PCDHA5: variants seen among roughly 807,000 people sequenced by gnomAD.
The protein encoded by PCDHA5 is protocadherin alpha 5.
A neutral mutation model predicts 61.6 loss-of-function variants in PCDHA5; 43 were observed. That is an observed-to-expected ratio of 0.70 (90% confidence interval 0.55 to 0.90). The LOEUF is 0.90. Ranked by LOEUF, PCDHA5 falls within the 40% of genes least tolerant of loss-of-function variation. The pLI, the probability that PCDHA5 is intolerant of heterozygous loss-of-function variation, is 0.00. For missense variants in PCDHA5, 1,298 were observed against 1,222.7 expected (o/e 1.06, Z -0.92); for synonymous variants, 627 against 543.9 (o/e 1.15, Z -2.13).
chr5:140,843,674 G>A (rs2150364800), intron 1 of PCDHA5: 16 of 1,592,324 alleles, frequency 1.0e-5, no homozygotes, highest in Middle Eastern at 1.7e-4. Context: ...ATCAGTTGAT[G>A]TAGGCGAAGA....
chr5:141,010,321 G>C lies in PCDHA5; in HGVS notation c.*384G>C. On this transcript the variant is annotated 3_prime_UTR_variant, in exon 4 of 4. Transcript: ENST00000529859. Reference sequence around the variant, plus strand: ...GGCTGAAAAGTTTTGAGATTGAGCAGCTTGGGAGTTTGTGGCCACTGGGTA... The same window carrying C: ...GGCTGAAAAGTTTTGAGATTGAGCACCTTGGGAGTTTGTGGCCACTGGGTA... 7 of 1,541,244 alleles carry C rather than the reference G, an allele frequency of 4.5e-6. No homozygotes were observed. In the South Asian group the frequency reaches 8.5e-5, roughly 19 times the overall value.
rs1554151191 is a variant in PCDHA5, at chr5:140,858,123, T to A, written c.2352+33996T>A. The A allele has an allele frequency of 6.3e-7, 1 of 1,597,678 alleles. No individual in the cohort carries two copies. Among genetic ancestry groups the A allele is most frequent in the South Asian group, 1.1e-5 (1 of 90,530 alleles). ...GGCGTGGCGCCCGAGGTGGCCCTGG[T>A]GGATGTCAACGTGTACCTGATCATC... On this transcript the variant is annotated intron_variant, in intron 1 of 3. Coordinates refer to ENST00000529859, the MANE Select transcript of PCDHA5 (RefSeq NM_018908.3).
At chr5:140,876,101 T>C (rs2056113076) in intron 1 of PCDHA5, 1 of 1,613,984 alleles carries the variant, frequency 6.2e-7, no homozygotes, top group East Asian at 2.2e-5. Flanking sequence ...AAACTCAATT[T>C]ATTGCTGATG....
chr5:140,826,786 A>G (rs1293254665), intron 1 of PCDHA5, among the ~76,000 whole-genome samples: 1 of 152,198 alleles, frequency 6.6e-6, no homozygotes, highest in Admixed American at 6.5e-5. Flanking sequence ...AATAACCTGC[A>G]AAAAGTTGAT....
At chr5:140,884,681 A>G (rs2060314464) in intron 1 of PCDHA5, 1 of 1,546,928 alleles carries the variant, frequency 6.5e-7, no homozygotes, top group Non-Finnish European at 8.7e-7. Flanking sequence ...ATATTTTAAA[A>G]AATTGTCTTA....
chr5:141,003,457 G>A (rs769049189), intron 3 of PCDHA5, among the ~76,000 whole-genome samples: 1 of 152,136 alleles, frequency 6.6e-6, no homozygotes, highest in Non-Finnish European at 1.5e-5. Flanking sequence ...AATTACAGGC[G>A]TGCACCACCA....
chr5:140,859,875 T>G (rs1554152798), intron 1 of PCDHA5: 1 of 152,066 alleles, frequency 6.6e-6, no homozygotes, highest in East Asian at 1.9e-4. Flanking sequence ...CTTCCCCCTC[T>G]GATATTTTGA....
chr5:140,834,479 C>T (rs2150219285), intron 1 of PCDHA5: 1 of 1,614,178 alleles, frequency 6.2e-7, no homozygotes, highest in African/African-American at 1.3e-5. Context: ...GCCAGCTCCA[C>T]TACTCGGTCC....
intron 1 of PCDHA5, among the ~76,000 whole-genome samples, chr5:140,875,095 G>A (rs2055270565): frequency 6.6e-6 from 1 of 152,156 alleles, no homozygotes; most frequent in Non-Finnish European, 1.5e-5. Context: ...AATTGTTGAT[G>A]TTTTGTTACT....
intron 1 of PCDHA5, among the ~76,000 whole-genome samples, chr5:140,872,990 A>C (rs987650775): frequency 6.6e-6 from 1 of 152,184 alleles, no homozygotes; most frequent in African/African-American, 2.4e-5. Context: ...AAGATCATTT[A>C]CTTCTGAGTC....
chr5:140,829,975 G>A (rs2150178918), intron 1 of PCDHA5: 37 of 1,613,854 alleles, frequency 2.3e-5, no homozygotes, highest in Admixed American at 3.3e-5. Flanking sequence ...GGCTGTACAC[G>A]GGCGAGATCA....
Position 140,823,114 on chromosome 5 carries a change from G to A in PCDHA5, c.1339G>A (p.Val447Met), listed in dbSNP as rs2150122478. 2 of 1,614,100 alleles carry A rather than the reference G, an allele frequency of 1.2e-6. No individual in the cohort carries two copies. The highest frequency in any genetic ancestry group is 1.1e-5 in the South Asian group (1 of 91,086). Residue 447 changes from valine (V) to methionine (M), a missense_variant, in exon 1 of 4, where the codon GTG becomes ATG. Transcript: ENST00000529859. Reference sequence around the variant, plus strand: ...CAGCGTGTCTGTGGAAGTGGCCGACGTGAACGACAACGCTCCGGCGTTCGC... The same window carrying A: ...CAGCGTGTCTGTGGAAGTGGCCGACATGAACGACAACGCTCCGGCGTTCGC... Reference protein sequence around the residue: ...TASVSVEVADVNDNAPAFAQP... With the variant: ...TASVSVEVADMNDNAPAFAQP...
rs191500915 is a variant in PCDHA5, at chr5:140,840,115, G to A, written c.2352+15988G>A. Among the ~76,000 whole-genome samples, 14 of 152,082 alleles carry A rather than the reference G, an allele frequency of 9.2e-5. No individual in the cohort carries two copies. In the East Asian group the frequency reaches 2.7e-3, roughly 29 times the overall value. ...AAGATTTTAGTGAAATCGAGTGAAA[G>A]CTGTACTAATAAGGACAGAAATTAT... is the stretch of plus-strand genomic sequence containing the variant. On this transcript the variant is annotated intron_variant, in intron 1 of 3. Coordinates refer to ENST00000529859, the MANE Select transcript of PCDHA5 (RefSeq NM_018908.3).
chr5:140,857,254 T>C (rs2044453142), intron 1 of PCDHA5: 2 of 1,598,512 alleles, frequency 1.3e-6, no homozygotes, highest in East Asian at 4.5e-5. Flanking sequence ...CCTACAAGAA[T>C]TACTACTCAT....
chr5:140,966,862 G>C lies in PCDHA5; in HGVS notation c.2353-12087G>C, dbSNP rs782810195. On this transcript the variant is annotated intron_variant, in intron 1 of 3. Transcript: ENST00000529859. ...TGCTACTGCCTCTCCTGCTGCTGTTGCTGCTGCTGCTACCTGGCCCTGCGG... is the reference window on the plus strand; with the variant it reads ...TGCTACTGCCTCTCCTGCTGCTGTTCCTGCTGCTGCTACCTGGCCCTGCGG... The C allele has an allele frequency of 1.2e-5, 18 of 1,562,198 alleles. No individual in the cohort carries two copies. Among genetic ancestry groups the C allele is most frequent in the Non-Finnish European group, 1.5e-5 (18 of 1,164,444 alleles).
At position 140,862,768 on chromosome 5, in the gene PCDHA5, G is replaced by C. The variant is rs1409687409; in HGVS notation, c.2352+38641G>C. The C allele has an allele frequency of 8.7e-6, 5 of 576,458 alleles. No individual in the cohort carries two copies. The African/African-American group carries it at 9.8e-5, about 11-fold the overall frequency. 35.7% of individuals were successfully genotyped at this position (576,458 alleles called of 1,614,324 possible). A position where few individuals can be genotyped will look rare whatever the true frequency, so the allele number is the denominator to read the frequency against. On this transcript the variant is annotated intron_variant, in intron 1 of 3. Transcript: ENST00000529859. ...GCACGCGGAGAGCGGCAAGAGGTAC[G>C]CGTTGCAGCCACTGGACTACGAGGA...
intron 1 of PCDHA5, chr5:140,827,987 AT>A (rs1769477096): frequency 3.4e-6 from 5 of 1,461,712 alleles, no homozygotes; most frequent in Non-Finnish European, 4.6e-6. Context: ...TGACTGTTGA[AT>A]GATGGCGGAC....
rs782697989 is a variant in PCDHA5, at chr5:140,858,434, A to G, written c.2352+34307A>G. On this transcript the variant is annotated intron_variant, in intron 1 of 3. Coordinates refer to ENST00000529859, the MANE Select transcript of PCDHA5 (RefSeq NM_018908.3). ...GTCTATTGGAGGGGACCACTCTAGGAAGGTGGGTTATTACGTTTTCATTTT... is the reference window on the plus strand; with the variant it reads ...GTCTATTGGAGGGGACCACTCTAGGGAGGTGGGTTATTACGTTTTCATTTT... 3 of 1,543,272 alleles carry G rather than the reference A, an allele frequency of 1.9e-6. No homozygotes were observed. The Admixed American group carries it at 5.9e-5, about 30-fold the overall frequency.
At chr5:140,878,577 G>A (rs1228813773) in intron 1 of PCDHA5, among the ~76,000 whole-genome samples, 2 of 152,122 alleles carry the variant, frequency 1.3e-5, no homozygotes, top group African/African-American at 2.4e-5. Context: ...GTATACCACT[G>A]CCCTGTGCCT....
Sources: allele counts gnomAD v4.1 joint callset (sites outside exome capture counted in the v4.1 genomes callset), GRCh38; gene constraint gnomAD v4.1.1; transcripts MANE v1.5; gene names NCBI Gene and HGNC (gene_info 2026-07-23, HGNC 2026-07-21).